STAB2: variants seen among roughly 807,000 people sequenced by gnomAD.
STAB2 encodes stabilin 2, also known as stabilin-2.
STAB2 carries 288 observed loss-of-function variants against 338.1 expected under a neutral mutation model. The observed-to-expected ratio is 0.85, with a 90% confidence interval of 0.77 to 0.94. The LOEUF is 0.94. STAB2 is among the 40% of genes least tolerant of loss of function. The probability of loss-of-function intolerance (pLI) is 0.00; values close to 1 mark genes in which losing one functional copy is unlikely to be tolerated. For missense variants in STAB2, 3,141 were observed against 3,210.1 expected (o/e 0.98, Z 0.52); for synonymous variants, 1,202 against 1,193.3 (o/e 1.01, Z -0.15).
chr12:103,632,670 C>T (rs998669932), intron 6 of STAB2, among the ~76,000 whole-genome samples: 1 of 152,260 alleles, frequency 6.6e-6, no homozygotes, highest in South Asian at 2.1e-4. Context: ...TGGGGCAGAG[C>T]ATCCCTGAAC....
At chr12:103,751,723 C>T (rs1159403050) in intron 60 of STAB2, among the ~76,000 whole-genome samples, 1 of 152,186 alleles carries the variant, frequency 6.6e-6, no homozygotes, top group Non-Finnish European at 1.5e-5. Flanking sequence ...TTCAGCCTGT[C>T]CCACCTGTTC....
In STAB2 at chr12:103,719,212, T is replaced by C. The variant is rs1880564199; in HGVS notation, c.4683+1371T>C. 3.3e-5 allele frequency among the ~76,000 whole-genome samples: 5 copies of C among 152,346 alleles called. No homozygotes were observed. In the South Asian group the frequency reaches 1.0e-3, roughly 32 times the overall value. On this transcript the variant is annotated intron_variant, in intron 44 of 68. Transcript: ENST00000388887. ...CAGTTTGTGTGGTCAGCTAGGCCTC[T>C]GAAGTCCTGCATCAATGTCACATTC...
intron 2 of STAB2, among the ~76,000 whole-genome samples, chr12:103,593,575 T>C (rs1565949130): frequency 6.6e-6 from 1 of 152,208 alleles, no homozygotes; most frequent in Non-Finnish European, 1.5e-5. Context: ...TCAAAAAAAG[T>C]CAACTCTATC....
rs113009487 is a variant in STAB2, at chr12:103,744,501, C to T, written c.6032-672C>T. Reference sequence around the variant, plus strand: ...TTTTTTTTTAAGACAGGGTCTCACTCTGTTACCCAGACTGGTATACAGTGG... The same window carrying T: ...TTTTTTTTTAAGACAGGGTCTCACTTTGTTACCCAGACTGGTATACAGTGG... On this transcript the variant is annotated intron_variant, in intron 56 of 68. Transcript: ENST00000388887. 5.8e-5 allele frequency among the ~76,000 whole-genome samples: 8 copies of T among 137,948 alleles called. No individual in the cohort carries two copies. The South Asian group carries it at 1.4e-3, about 24-fold the overall frequency. 90.5% of individuals were successfully genotyped at this position (137,948 alleles called of 152,430 possible).
In STAB2 at chr12:103,666,312, C is replaced by G. The variant is rs376165287; in HGVS notation, c.2044C>G (p.Leu682Val). Reference protein sequence around the residue: ...MKLGTCVSCSLVYWSRCPANS... With the variant: ...MKLGTCVSCSVVYWSRCPANS... ...CCAGGGCACTTGTGTGAGCTGTTCT[C>G]TGGTGTACTGGAGCAGATGTCCTGC... Residue 682 changes from leucine (L) to valine (V), a missense_variant, in exon 19 of 69, where the codon CTG (leucine) becomes GTG (valine). Coordinates refer to ENST00000388887, the MANE Select transcript of STAB2 (RefSeq NM_017564.10). The G allele has an allele frequency of 6.2e-7, 1 of 1,614,052 alleles. No individual in the cohort carries two copies. Among genetic ancestry groups the G allele is most frequent in the Non-Finnish European group, 8.5e-7 (1 of 1,180,050 alleles).
intron 3 of STAB2, among the ~76,000 whole-genome samples, chr12:103,614,563 T>C (rs1330852439): frequency 1.3e-5 from 2 of 152,212 alleles, no homozygotes; most frequent in Non-Finnish European, 2.9e-5. Context: ...TACAGGTTTT[T>C]CTAGGCAACT....
chr12:103,711,957 G>A (rs780987594), intron 40 of STAB2, among the ~76,000 whole-genome samples: 2 of 152,206 alleles, frequency 1.3e-5, no homozygotes, highest in Non-Finnish European at 2.9e-5. Context: ...ACTACCACAT[G>A]ATCTTGAGTC....
chr12:103,587,604 A>G, intron 1 of STAB2, 47 bp downstream of exon 1: 2 of 1,500,204 alleles, frequency 1.3e-6, no homozygotes, highest in East Asian at 4.6e-5. Context: ...TTGTCATGAT[A>G]TGTTCAAAAG....
intron 27 of STAB2, among the ~76,000 whole-genome samples, chr12:103,685,290 T>A (rs1485783005): frequency 6.6e-6 from 1 of 152,200 alleles, no homozygotes; most frequent in Admixed American, 6.5e-5. Flanking sequence ...AGCTTCTGTG[T>A]ACCAAGCAGT....
At position 103,733,084 on chromosome 12, in the gene STAB2, C is replaced by T. The variant is rs750093771; in HGVS notation, c.5362C>T (p.His1788Tyr). Residue 1788 changes from histidine to tyrosine, a missense_variant, in exon 51 of 69, where the codon CAT becomes TAT. Coordinates refer to ENST00000388887, the MANE Select transcript of STAB2 (RefSeq NM_017564.10). The part of the protein sequence containing the change: ...TLFWPTDQAL[H>Y]ALPAEQQDFL... ...CTTCTGGCCCACCGACCAAGCCCTC[C>T]ATGCCCTACCTGCTGAACAACAGGA... 5 of 1,614,164 alleles carry T rather than the reference C, an allele frequency of 3.1e-6. No homozygotes were observed. In the South Asian group the frequency reaches 4.4e-5, roughly 14 times the overall value.
chr12:103,738,807 C>G (rs149200845), intron 53 of STAB2, among the ~76,000 whole-genome samples: 2 of 152,172 alleles, frequency 1.3e-5, no homozygotes, highest in Non-Finnish European at 2.9e-5. Context: ...AACACTTGCA[C>G]CCATATGTCC....
Position 103,650,486 on chromosome 12 carries a change from G to A in STAB2, c.1175-10G>A, listed in dbSNP as rs371542054. 40 of 1,611,466 alleles carry A rather than the reference G, an allele frequency of 2.5e-5. No homozygotes were observed. Among genetic ancestry groups the A allele is most frequent in the South Asian group, 1.6e-4 (15 of 90,950 alleles). ...GCGTTTTCTTTCTTTGTGTTATTTC[G>A]ACTCCTAAGACAAAGCTTATGCCTG... On this transcript the variant is annotated splice_polypyrimidine_tract_variant and intron_variant, in intron 10 of 68. Coordinates refer to ENST00000388887, the MANE Select transcript of STAB2 (RefSeq NM_017564.10).
intron 31 of STAB2, among the ~76,000 whole-genome samples, chr12:103,695,062 A>G (rs1878280802): frequency 6.6e-6 from 1 of 152,230 alleles, no homozygotes; most frequent in Non-Finnish European, 1.5e-5. Flanking sequence ...AGCCAAACAA[A>G]ACATTTTTAC....
At chr12:103,606,220 A>G (rs963950748) in intron 3 of STAB2, among the ~76,000 whole-genome samples, 6 of 152,136 alleles carry the variant, frequency 3.9e-5, no homozygotes, top group Non-Finnish European at 5.9e-5. Flanking sequence ...TTTAACTGAT[A>G]TTACACCACT....
At chr12:103,627,354 C>T (rs1290732963) in intron 5 of STAB2, among the ~76,000 whole-genome samples, 2 of 152,190 alleles carry the variant, frequency 1.3e-5, no homozygotes, top group Non-Finnish European at 2.9e-5. Flanking sequence ...ACAGCCCAGA[C>T]CAGATCCTAT....
At chr12:103,724,156 G>A (rs1880996736) in intron 44 of STAB2, among the ~76,000 whole-genome samples, 1 of 152,170 alleles carries the variant, frequency 6.6e-6, no homozygotes, top group African/African-American at 2.4e-5. Flanking sequence ...AAGGATGAGG[G>A]TGTTTGGAAG....
intron 28 of STAB2, among the ~76,000 whole-genome samples, chr12:103,688,883 C>T (rs923393516): frequency 6.6e-6 from 1 of 152,318 alleles, no homozygotes; most frequent in Admixed American, 6.5e-5. Context: ...CACTCACTCA[C>T]GAAAGCTGAT....
At chr12:103,617,607 C>T (rs993694574) in intron 3 of STAB2, among the ~76,000 whole-genome samples, 1 of 152,236 alleles carries the variant, frequency 6.6e-6, no homozygotes, top group African/African-American at 2.4e-5. Flanking sequence ...CCCAGCTCCT[C>T]CCATGACACA....
At chr12:103,742,009 T>A (rs1230484428) in intron 55 of STAB2, among the ~76,000 whole-genome samples, 1 of 152,246 alleles carries the variant, frequency 6.6e-6, no homozygotes, top group African/African-American at 2.4e-5. Flanking sequence ...ATTTTCAAAA[T>A]GTTCTCAGTT....
Sources: gnomAD v4.1 joint callset for allele counts (sites outside exome capture counted in the v4.1 genomes callset) on GRCh38, gnomAD v4.1.1 for gene constraint, MANE v1.5 for transcripts, NCBI Gene and HGNC (gene_info 2026-07-23, HGNC 2026-07-21) for gene names.